Variants in TYW1 observed in about 807,000 individuals in gnomAD.
TYW1 encodes the protein S-adenosyl-L-methionine-dependent tRNA 4-demethylwyosine synthase TYW1.
Under a neutral mutation model 96.2 loss-of-function variants are expected in TYW1, and 46 were observed. The observed-to-expected ratio is 0.48, with a 90% confidence interval of 0.38 to 0.61. TYW1 has a LOEUF of 0.61. Ranked by LOEUF, TYW1 falls within the 20% of genes least tolerant of loss-of-function variation. TYW1 has a pLI of 0.00. For missense variants in TYW1, 684 were observed against 909.6 expected (o/e 0.75, Z 3.19); for synonymous variants, 274 against 323.0 (o/e 0.85, Z 1.63).
At chr7:67,198,780 A>G (rs941429103) in intron 15 of TYW1, among the ~76,000 whole-genome samples, 2 of 152,132 alleles carry the variant, frequency 1.3e-5, no homozygotes, top group African/African-American at 4.8e-5. Flanking sequence ...GGCAGATACT[A>G]TATTTTCTTC....
intron 15 of TYW1, among the ~76,000 whole-genome samples, chr7:67,226,423 G>A (rs1801561412): frequency 6.6e-6 from 1 of 152,068 alleles, no homozygotes; most frequent in Non-Finnish European, 1.5e-5. Flanking sequence ...GCACTTGATG[G>A]ATCAGCTGGC....
intron 3 of TYW1, 22 bp from the exon 4 acceptor site, chr7:67,009,561 A>T (rs1282181191): frequency 1.2e-5 from 19 of 1,604,324 alleles, no homozygotes; most frequent in Non-Finnish European, 1.5e-5. Flanking sequence ...ACTTTATTTG[A>T]TGTTTTTTTT....
At chr7:67,050,541 C>T (rs10268701) in intron 8 of TYW1, among the ~76,000 whole-genome samples, 2 of 151,936 alleles carry the variant, frequency 1.3e-5, no homozygotes, top group Non-Finnish European at 2.9e-5. Flanking sequence ...CTCCCCACTT[C>T]CCCTCTATAT....
chr7:67,035,521 G>A (rs1350619179), intron 7 of TYW1, among the ~76,000 whole-genome samples: 1 of 152,130 alleles, frequency 6.6e-6, no homozygotes, highest in African/African-American at 2.4e-5. Context: ...ATTTGTTGCG[G>A]TCCTTAGACC....
In TYW1 at chr7:67,067,274, A is replaced by G. The variant is rs754379506; in HGVS notation, c.1156-11A>G. The G allele has an allele frequency of 6.8e-6, 11 of 1,613,354 alleles. No homozygotes were observed. Among genetic ancestry groups the G allele is most frequent in the Non-Finnish European group, 9.3e-6 (11 of 1,179,438 alleles). ...ATTTTATTCAAATTGTGATTTGTTT[A>G]CTTGTCATAGTCCATGCTCCGAGGG... On this transcript the variant is annotated splice_polypyrimidine_tract_variant and intron_variant, in intron 9 of 15. Transcript: ENST00000359626.
Position 67,129,817 on chromosome 7 carries a change from T to C in TYW1, c.1698+12199T>C, listed in dbSNP as rs192498485. Among the ~76,000 whole-genome samples, 154 of 152,316 alleles carry C rather than the reference T, an allele frequency of 1.0e-3. 1 individual carries two copies. Among genetic ancestry groups the C allele is most frequent in the Non-Finnish European group, 7.6e-4 (52 of 68,020 alleles). On this transcript the variant is annotated intron_variant, in intron 13 of 15. Transcript: ENST00000359626. Reference sequence around the variant, plus strand: ...GTGTCATGCTTAGACCCTTAGGATATAAAAATACTTATGTATATTTTCTGG... The same window carrying C: ...GTGTCATGCTTAGACCCTTAGGATACAAAAATACTTATGTATATTTTCTGG...
At chr7:66,999,320 A>G (rs1305307250) in intron 3 of TYW1, among the ~76,000 whole-genome samples, 2 of 152,172 alleles carry the variant, frequency 1.3e-5, no homozygotes, top group African/African-American at 4.8e-5. Context: ...TAGTTCCAAT[A>G]TGGGCCTGAC....
chr7:67,045,020 T>C (rs1433508307), intron 7 of TYW1, among the ~76,000 whole-genome samples: 1 of 152,164 alleles, frequency 6.6e-6, no homozygotes, highest in Non-Finnish European at 1.5e-5. Context: ...AAATGTATGT[T>C]TTGGTAAGAA....
At chr7:67,034,486 G>A (rs1477824762) in intron 7 of TYW1, among the ~76,000 whole-genome samples, 4 of 151,924 alleles carry the variant, frequency 2.6e-5, no homozygotes, top group African/African-American at 7.3e-5. Flanking sequence ...TCCTGGATCC[G>A]CTTTTCATAG....
intron 3 of TYW1, among the ~76,000 whole-genome samples, chr7:67,007,966 C>T (rs1294850027): frequency 2.0e-5 from 3 of 152,200 alleles, no homozygotes; most frequent in African/African-American, 7.2e-5. Flanking sequence ...AGTTCTCATG[C>T]TTACTATTGG....
intron 13 of TYW1, among the ~76,000 whole-genome samples, 179 bp downstream of exon 13, chr7:67,117,797 A>G (rs1797640468): frequency 6.6e-6 from 1 of 152,228 alleles, no homozygotes; most frequent in Non-Finnish European, 1.5e-5. Context: ...GGAATTTTGA[A>G]CATTTACTAT....
At chr7:67,048,128 T>C (rs1257715192) in intron 7 of TYW1, among the ~76,000 whole-genome samples, 1 of 104,344 alleles carries the variant, frequency 9.6e-6, no homozygotes, top group Non-Finnish European at 1.9e-5. Flanking sequence ...GTACACAGAG[T>C]GATATAGTGA....
chr7:67,216,620 A>G (rs1801203998), intron 15 of TYW1, among the ~76,000 whole-genome samples: 1 of 143,248 alleles, frequency 7.0e-6, no homozygotes, highest in Non-Finnish European at 1.5e-5. Flanking sequence ...TTTCTCTGAA[A>G]TGACTCTGTT....
rs146120067 is a variant in TYW1 at position 67,058,623 on chromosome 7, C to A, written c.1155+2736C>A. On this transcript the variant is annotated intron_variant, in intron 9 of 15. Transcript: ENST00000359626. ...CTCAGCCTCCCAAGTAGTGTGCCAC[C>A]ATGCCTGGCAAAAGTTTTTTTTTTG... 1.3e-3 allele frequency among the ~76,000 whole-genome samples: 195 copies of A among 152,116 alleles called. 1 individual carries two copies. In the East Asian group the frequency reaches 0.028, roughly 22 times the overall value.
At position 67,134,614 on chromosome 7, in the gene TYW1, G is replaced by A. The variant is rs539461060; in HGVS notation, c.1698+16996G>A. Among the ~76,000 whole-genome samples the A allele has an allele frequency of 2.0e-3, 298 of 151,678 alleles. 2 individuals carry two copies. Among genetic ancestry groups the A allele is most frequent in the Middle Eastern group, 0.017 (5 of 294 alleles). On this transcript the variant is annotated intron_variant, in intron 13 of 15. Coordinates refer to ENST00000359626, the MANE Select transcript of TYW1 (RefSeq NM_018264.4). ...TGTGAACCTTAGCAGGGTGCATGTC[G>A]GAGAACCCAGGGAAAAGCAGAAAAA...
At chr7:67,237,720 A>G (rs1202140672) in intron 15 of TYW1, among the ~76,000 whole-genome samples, 2 of 151,916 alleles carry the variant, frequency 1.3e-5, no homozygotes, top group Non-Finnish European at 2.9e-5. Context: ...TTGAGAAGCA[A>G]TTTTCTTAAG....
At chr7:67,162,666 T>C (rs1799197864) in intron 13 of TYW1, among the ~76,000 whole-genome samples, 1 of 152,214 alleles carries the variant, frequency 6.6e-6, no homozygotes, top group Non-Finnish European at 1.5e-5. Flanking sequence ...TGGATAGATT[T>C]TGTGTGCAGG....
intron 6 of TYW1, among the ~76,000 whole-genome samples, chr7:67,022,518 T>C (rs573486655): frequency 8.5e-4 from 130 of 152,356 alleles, no homozygotes; most frequent in African/African-American, 3.1e-3. Context: ...ACGGAACTTC[T>C]TGCAATTCTA....
intron 9 of TYW1, among the ~76,000 whole-genome samples, chr7:67,058,041 T>C (rs987661922): frequency 1.6e-4 from 24 of 151,956 alleles, no homozygotes; most frequent in Non-Finnish European, 5.9e-5. Context: ...TTCACGCCAT[T>C]CTCCTGCCTC....
Sources: allele counts gnomAD v4.1 joint callset (sites outside exome capture counted in the v4.1 genomes callset), GRCh38; gene constraint gnomAD v4.1.1; transcripts MANE v1.5; gene names NCBI Gene and HGNC (gene_info 2026-07-23, HGNC 2026-07-21).